STON1: variants seen among roughly 807,000 people sequenced by gnomAD.
STON1 encodes stonin-1.
A neutral mutation model predicts 60.9 loss-of-function variants in STON1; 79 were observed. The ratio of observed to expected loss-of-function variants is 1.30; its 90% confidence interval spans 1.08 to 1.56. The LOEUF is 1.56. STON1 is among the 40% of genes most tolerant of loss of function. The pLI is 0.00. For synonymous variants in STON1, 363 were observed against 306.9 expected, an observed-to-expected ratio of 1.18 and a Z score of -1.91; for missense variants, 1,166 against 858.9, an observed-to-expected ratio of 1.36 and a Z score of -4.47.
At chr2:48,577,396 C>T (rs983999438) in intron 1 of STON1, among the ~76,000 whole-genome samples, 3 of 151,834 alleles carry the variant, frequency 2.0e-5, no homozygotes, top group East Asian at 2.0e-4. Flanking sequence ...GCCTGACCAA[C>T]GTAGGGAAAC....
intron 2 of STON1, among the ~76,000 whole-genome samples, chr2:48,583,398 T>G (rs1674013666): frequency 1.3e-5 from 2 of 152,322 alleles, no homozygotes; most frequent in South Asian, 4.1e-4. Context: ...CTAAACTGGT[T>G]GTTTTAGAAT....
chr2:48,592,578 C>T (rs561868843), intron 3 of STON1, among the ~76,000 whole-genome samples: 1 of 148,072 alleles, frequency 6.8e-6, no homozygotes, highest in Non-Finnish European at 1.5e-5. Flanking sequence ...ATTACAGCCA[C>T]CCACCACCAC....
Position 48,560,938 on chromosome 2 carries a change from C to G in STON1, c.-47-19649C>G, listed in dbSNP as rs920576643. On this transcript the variant is annotated intron_variant, in intron 1 of 3. Transcript: ENST00000404752. The stretch of plus-strand genomic sequence containing the variant: ...CTTGTCTCTGCTCTCTGCTGTTCTT[C>G]TAGGGCCCATGAGGGAACTTTTCTG... Among the ~76,000 whole-genome samples, 3 of 152,338 alleles carry G rather than the reference C, an allele frequency of 2.0e-5. No individual in the cohort carries two copies. The East Asian group carries it at 5.8e-4, about 29-fold the overall frequency.
intron 2 of STON1, among the ~76,000 whole-genome samples, chr2:48,583,250 G>A (rs1259102970): frequency 2.0e-5 from 3 of 152,122 alleles, no homozygotes; most frequent in African/African-American, 7.2e-5. Context: ...CATCGTGCCT[G>A]GCTAATTTTT....
intron 1 of STON1, among the ~76,000 whole-genome samples, chr2:48,580,163 C>T (rs1673789888): frequency 6.6e-6 from 1 of 152,144 alleles, no homozygotes; most frequent in Admixed American, 6.5e-5. Context: ...TTGCCTCGGC[C>T]TCCCAAAGTG....
intron 1 of STON1, among the ~76,000 whole-genome samples, chr2:48,575,655 A>AAAATAAATAAAT (rs74495343): frequency 0.012 from 1,753 of 148,846 alleles, 30 homozygotes; most frequent in African/African-American, 0.034. Context: ...CTCCGTCTCA[A>AAAATAAATAAAT]AAATAAATAA....
At position 48,581,239 on chromosome 2, in the gene STON1, A is replaced by G. The variant is rs1673862345; in HGVS notation, c.606A>G (p.Gly202=). ...CCCATTTCACCCTTGACCCACCAGGAAGCAAAAAGATGTTCTCATCAAGAA... is the reference window on the plus strand; with the variant it reads ...CCCATTTCACCCTTGACCCACCAGGGAGCAAAAAGATGTTCTCATCAAGAA... ...SDSHFTLDPP[G]SKKMFSSRNK... is the part of the protein sequence containing the mutation. The change falls in exon 2 of 4, where the codon GGA becomes GGG. Residue 202 remains glycine (G), a synonymous_variant. Transcript: ENST00000404752. The G allele has an allele frequency of 1.3e-6, 2 of 1,517,422 alleles. No individual in the cohort carries two copies. Among genetic ancestry groups the G allele is most frequent in the Non-Finnish European group, 1.8e-6 (2 of 1,138,402 alleles). 94.0% of individuals were successfully genotyped at this position (1,517,422 alleles called of 1,614,324 possible). A position where few individuals can be genotyped will look rare whatever the true frequency, so the allele number is the denominator to read the frequency against.
chr2:48,589,383 G>A (rs1026300369), intron 2 of STON1, among the ~76,000 whole-genome samples: 2 of 152,174 alleles, frequency 1.3e-5, no homozygotes, highest in African/African-American at 2.4e-5. Context: ...TCAGCACTGC[G>A]ACAACACGAT....
chr2:48,543,677 A>G (rs779701661), intron 1 of STON1, among the ~76,000 whole-genome samples: 2 of 151,688 alleles, frequency 1.3e-5, no homozygotes, highest in Non-Finnish European at 1.5e-5. Context: ...GACTATAGGC[A>G]TACACCACCA....
chr2:48,571,033 T>A (rs897840723), intron 1 of STON1, among the ~76,000 whole-genome samples: 4 of 151,936 alleles, frequency 2.6e-5, no homozygotes, highest in Non-Finnish European at 5.9e-5. Flanking sequence ...TTTTTGTATT[T>A]TTGGTAGAGA....
chr2:48,565,799 G>A (rs970678968), intron 1 of STON1, among the ~76,000 whole-genome samples: 1 of 152,106 alleles, frequency 6.6e-6, no homozygotes, highest in Non-Finnish European at 1.5e-5. Context: ...TTACATATGA[G>A]GTAAAATTAA....
chr2:48,579,938 A>C (rs2103908653), intron 1 of STON1, among the ~76,000 whole-genome samples: 1 of 151,946 alleles, frequency 6.6e-6, no homozygotes, highest in African/African-American at 2.4e-5. Flanking sequence ...ATGGAGTTTC[A>C]CTCTGTCACC....
intron 1 of STON1, among the ~76,000 whole-genome samples, chr2:48,546,386 T>C (rs1473162338): frequency 1.3e-5 from 2 of 152,158 alleles, no homozygotes; most frequent in African/African-American, 4.8e-5. Context: ...CACACTCAGC[T>C]CTGTGCACTC....
Position 48,581,364 on chromosome 2 carries a change from CACTT to C in STON1, c.733_736del (p.Leu245GlufsTer35). On this transcript the variant is annotated frameshift_variant, in exon 2 of 4. Transcript: ENST00000404752. LOFTEE classifies it high-confidence loss of function. ...CTCCAGTCAGCTGAGAACCAAGACT[CACTT>C]AGAAGTTTGTCTATGCACTGTCTAT... 1 of 1,570,580 alleles carries C rather than the reference CACTT, an allele frequency of 6.4e-7. No homozygotes were observed. The highest frequency in any genetic ancestry group is 8.6e-7 in the Non-Finnish European group (1 of 1,159,202).
At chr2:48,593,388 T>G (rs1674634855) in intron 3 of STON1, among the ~76,000 whole-genome samples, 1 of 152,186 alleles carries the variant, frequency 6.6e-6, no homozygotes, top group South Asian at 2.1e-4. Flanking sequence ...GTGCTGGGAT[T>G]AGAGGTGTGA....
chr2:48,574,245 G>A (rs915865220), intron 1 of STON1, among the ~76,000 whole-genome samples: 26 of 151,814 alleles, frequency 1.7e-4, no homozygotes, highest in African/African-American at 4.6e-4. Flanking sequence ...GTGTGGTGGC[G>A]TGCACCTGTA....
chr2:48,561,959 C>T (rs1294104652), intron 1 of STON1, among the ~76,000 whole-genome samples: 2 of 152,222 alleles, frequency 1.3e-5, no homozygotes, highest in African/African-American at 4.8e-5. Flanking sequence ...CTCCCCGGTT[C>T]AAGTGATTCT....
At chr2:48,547,950 G>GT (rs1231178349) in intron 1 of STON1, among the ~76,000 whole-genome samples, 1 of 152,192 alleles carries the variant, frequency 6.6e-6, no homozygotes, top group African/African-American at 2.4e-5. Context: ...GCGTTTTAAA[G>GT]TTTTTTTCTG....
intron 1 of STON1, among the ~76,000 whole-genome samples, chr2:48,551,317 TG>T (rs900772321): frequency 1.3e-4 from 20 of 152,336 alleles, no homozygotes; most frequent in African/African-American, 4.6e-4. Context: ...TGAGTCCTCC[TG>T]CAGTGAAGGA....
Sources: gnomAD v4.1 joint callset for allele counts (sites outside exome capture counted in the v4.1 genomes callset) on GRCh38, gnomAD v4.1.1 for gene constraint, MANE v1.5 for transcripts, NCBI Gene and HGNC (gene_info 2026-07-23, HGNC 2026-07-21) for gene names.